ANKFN1: variants seen among roughly 807,000 people sequenced by gnomAD.
ANKFN1 encodes the protein ankyrin repeat and fibronectin type-III domain-containing protein 1.
Under a neutral mutation model 108.7 loss-of-function variants are expected in ANKFN1, and 74 were observed. That is an observed-to-expected ratio of 0.68 (90% CI 0.56 to 0.83). The LOEUF is 0.83. Among genes scored for constraint, ANKFN1 ranks in the 40% least tolerant of loss-of-function variants. The probability of loss-of-function intolerance (pLI) is 0.00; values close to 1 mark genes in which losing one functional copy is unlikely to be tolerated. For missense variants in ANKFN1, 1,505 were observed against 1,382.3 expected (o/e 1.09, Z -1.41); for synonymous variants, 547 against 516.2 (o/e 1.06, Z -0.81).
intron 8 of ANKFN1, among the ~76,000 whole-genome samples, chr17:56,375,623 G>A (rs1283102864): frequency 1.3e-5 from 2 of 152,102 alleles, no homozygotes; most frequent in Non-Finnish European, 2.9e-5. Flanking sequence ...GAGAAATAGA[G>A]ATTTAGAAGA....
intron 8 of ANKFN1, among the ~76,000 whole-genome samples, chr17:56,403,009 A>T (rs2047809484): frequency 6.6e-6 from 1 of 152,092 alleles, no homozygotes; most frequent in South Asian, 2.1e-4. Flanking sequence ...ATGGTTTTGA[A>T]GGCTCTTTTT....
chr17:56,073,543 A>G (rs1905145307), intron 4 of ANKFN1, among the ~76,000 whole-genome samples: 1 of 152,250 alleles, frequency 6.6e-6, no homozygotes, highest in African/African-American at 2.4e-5. Context: ...ACACAAAATT[A>G]GCCGCTTTAA....
At chr17:56,372,617 G>A in intron 6 of ANKFN1, 29 bp from the exon 7 acceptor site, 1 of 1,579,430 alleles carries the variant, frequency 6.3e-7, no homozygotes, top group Non-Finnish European at 8.6e-7. Flanking sequence ...CAGAAAGAAA[G>A]AGAAGTAATC....
chr17:56,379,200 C>A (rs988346976), intron 8 of ANKFN1, among the ~76,000 whole-genome samples: 1 of 151,986 alleles, frequency 6.6e-6, no homozygotes, highest in Non-Finnish European at 1.5e-5. Context: ...AGATCGAGAC[C>A]ATCCTGGCTA....
Position 56,288,841 on chromosome 17 carries a change from T to G in ANKFN1, c.54-37380T>G, listed in dbSNP as rs1398176916. On this transcript the variant is annotated intron_variant, in intron 3 of 20. Transcript: ENST00000682825. ...CTCCCCATTTTGTTAATCTATTTCC[T>G]GGTCACACCCTACCTCTGACCTTCT... Among the ~76,000 whole-genome samples the G allele has an allele frequency of 2.0e-5, 3 of 152,222 alleles. No individual in the cohort carries two copies. The South Asian group carries it at 6.2e-4, about 32-fold the overall frequency.
At chr17:56,408,960 T>C (rs2048004046) in intron 8 of ANKFN1, among the ~76,000 whole-genome samples, 1 of 151,800 alleles carries the variant, frequency 6.6e-6, no homozygotes, top group Non-Finnish European at 1.5e-5. Flanking sequence ...GTTTTGCTCT[T>C]GTTGCCCAGG....
intron 4 of ANKFN1, among the ~76,000 whole-genome samples, chr17:56,074,000 T>A (rs1010652396): frequency 2.0e-5 from 3 of 152,262 alleles, no homozygotes; most frequent in African/African-American, 7.2e-5. Flanking sequence ...TCAATTCGTT[T>A]GGGTATATAC....
chr17:56,351,892 C>A (rs539862372), intron 5 of ANKFN1, among the ~76,000 whole-genome samples: 2 of 152,228 alleles, frequency 1.3e-5, no homozygotes, highest in South Asian at 4.2e-4. Context: ...GAGTCCTAGC[C>A]TTTCCAGATA....
intron 8 of ANKFN1, among the ~76,000 whole-genome samples, chr17:56,436,277 A>C (rs1322586999): frequency 6.6e-6 from 1 of 152,206 alleles, no homozygotes; most frequent in Non-Finnish European, 1.5e-5. Context: ...TTTAGGAAAT[A>C]CTAATATCTA....
intron 3 of ANKFN1, among the ~76,000 whole-genome samples, chr17:56,271,709 A>C (rs1019321986): frequency 5.9e-5 from 9 of 152,008 alleles, no homozygotes; most frequent in Admixed American, 2.6e-4. Flanking sequence ...CCCTTGGAAT[A>C]TTAGAAGGCT....
chr17:56,455,662 G>C (rs1167875702), intron 11 of ANKFN1, among the ~76,000 whole-genome samples: 1 of 152,160 alleles, frequency 6.6e-6, no homozygotes, highest in Non-Finnish European at 1.5e-5. Flanking sequence ...TGATTATGTA[G>C]CCCAGCTCCA....
chr17:56,185,995 C>A (rs1406353723), intron 1 of ANKFN1, among the ~76,000 whole-genome samples: 1 of 152,138 alleles, frequency 6.6e-6, no homozygotes, highest in East Asian at 1.9e-4. Flanking sequence ...AATTAACTGT[C>A]CACTCTCAAA....
chr17:56,449,023 G>A, intron 10 of ANKFN1, 56 bp from the exon 11 acceptor site: 1 of 1,502,592 alleles, frequency 6.7e-7, no homozygotes, highest in Admixed American at 1.7e-5. Context: ...CGCAGGGCAA[G>A]GAAGAGGCCT....
chr17:56,496,069 C>T (rs560295903), intron 19 of ANKFN1, among the ~76,000 whole-genome samples: 2 of 152,150 alleles, frequency 1.3e-5, no homozygotes, highest in African/African-American at 4.8e-5. Context: ...TTGTCAGTTA[C>T]TTTTAGATCA....
At chr17:56,225,330 C>A (rs954259428) in intron 2 of ANKFN1, among the ~76,000 whole-genome samples, 1 of 152,140 alleles carries the variant, frequency 6.6e-6, no homozygotes, top group East Asian at 1.9e-4. Context: ...ATTAAGCACT[C>A]CATATTATTA....
At chr17:56,408,624 T>C (rs1273203539) in intron 8 of ANKFN1, among the ~76,000 whole-genome samples, 1 of 152,168 alleles carries the variant, frequency 6.6e-6, no homozygotes, top group Non-Finnish European at 1.5e-5. Flanking sequence ...TAAGGTTAGA[T>C]TATTGGACTA....
At position 56,482,368 on chromosome 17, in the gene ANKFN1, C is replaced by T. The variant is rs769090545; in HGVS notation, c.2104C>T (p.Arg702Cys). The change falls in exon 18 of 21, where the codon CGC becomes TGC. Residue 702 changes from arginine to cysteine, a missense_variant. By Grantham distance (180) the Arg-to-Cys change is radical (BLOSUM62 -3). Coordinates refer to ENST00000682825, the MANE Select transcript of ANKFN1 (RefSeq NM_001370326.1). ...NIPLHQARNFRLYTQEVLEMG... is the reference protein window; with the variant it reads ...NIPLHQARNFCLYTQEVLEMG... ...TGTCCCTCTGCAGGCAAGGAACTTCCGCCTCTACACACAGGAGGTGTTGGA... is the reference window on the plus strand; with the variant it reads ...TGTCCCTCTGCAGGCAAGGAACTTCTGCCTCTACACACAGGAGGTGTTGGA... 6.9e-6 allele frequency: 11 copies of T among 1,601,848 alleles called. No individual in the cohort carries two copies. The highest frequency in any genetic ancestry group is 1.3e-5 in the African/African-American group (1 of 74,528).
chr17:56,066,037 T>G (rs1252069271), intron 4 of ANKFN1, among the ~76,000 whole-genome samples: 3 of 152,122 alleles, frequency 2.0e-5, no homozygotes, highest in Non-Finnish European at 4.4e-5. Context: ...TACCAACAGG[T>G]TAGAGCTAGA....
At chr17:56,342,981 T>G (rs573704544) in intron 4 of ANKFN1, among the ~76,000 whole-genome samples, 1 of 152,170 alleles carries the variant, frequency 6.6e-6, no homozygotes, top group Admixed American at 6.6e-5. Context: ...CTGTGTTGGT[T>G]GCATATATAT....
Sources: gnomAD v4.1 joint callset for allele counts (sites outside exome capture counted in the v4.1 genomes callset) on GRCh38, gnomAD v4.1.1 for gene constraint, MANE v1.5 for transcripts, NCBI Gene and HGNC (gene_info 2026-07-23, HGNC 2026-07-21) for gene names.